VWA8: variants seen among roughly 807,000 people sequenced by gnomAD.
VWA8 encodes the protein von Willebrand factor A domain-containing protein 8.
VWA8 carries 221 observed loss-of-function variants against 241.5 expected under a neutral mutation model. The ratio of observed to expected loss-of-function variants is 0.91; its 90% CI spans 0.82 to 1.02. The LOEUF (loss-of-function observed/expected upper bound fraction) is 1.02. VWA8 is among the 50% of genes least tolerant of loss of function. VWA8 has a pLI of 0.00. For missense variants in VWA8, 2,322 were observed against 2,328.7 expected, an observed-to-expected ratio of 1.00 and a Z score of 0.06; for synonymous variants, 852 against 827.1, an observed-to-expected ratio of 1.03 and a Z score of -0.52.
intron 43 of VWA8, among the ~76,000 whole-genome samples, chr13:41,573,618 T>C (rs1460048369): frequency 6.8e-6 from 1 of 147,234 alleles, no homozygotes; most frequent in African/African-American, 2.5e-5. Flanking sequence ...CGCATATATA[T>C]GGTGTGTGTG....
chr13:41,690,866 A>G (rs1026750306), intron 32 of VWA8, among the ~76,000 whole-genome samples: 1 of 152,084 alleles, frequency 6.6e-6, no homozygotes, highest in African/African-American at 2.4e-5. Context: ...GTCAGATAAC[A>G]TAAACATAAA....
At chr13:41,758,421 T>TTCCATATATATGGA (rs370975202) in intron 21 of VWA8, among the ~76,000 whole-genome samples, 9 of 64,322 alleles carry the variant, frequency 1.4e-4, no homozygotes, top group African/African-American at 4.3e-4. Context: ...TATATATATA[T>TTCCATATATATGGA]ATATATATAC....
rs74049312 is a variant in VWA8, at chr13:41,579,361, C to T, written c.5272-3523G>A. ...GCCAGCGGAACCCTAGTGTTAGTTA[C>T]GTAATAACCTATAGCATTAGCTGGC... On this transcript the variant is annotated intron_variant, in intron 42 of 44. Coordinates refer to ENST00000379310, the MANE Select transcript of VWA8 (RefSeq NM_015058.2). Among the ~76,000 whole-genome samples, 550 of 152,256 alleles carry T rather than the reference C, an allele frequency of 3.6e-3. 2 individuals carry two copies. The highest frequency in any genetic ancestry group is 0.012 in the African/African-American group (502 of 41,548).
intron 37 of VWA8, among the ~76,000 whole-genome samples, chr13:41,636,571 A>G (rs2044758062): frequency 6.6e-6 from 1 of 152,236 alleles, no homozygotes; most frequent in African/African-American, 2.4e-5. Context: ...GCCAAAATTG[A>G]CATATGGGAT....
At chr13:41,895,831 C>CTTTTTTTTTTTTTTTTTT (rs59080554) in intron 4 of VWA8, among the ~76,000 whole-genome samples, 2 of 130,024 alleles carry the variant, frequency 1.5e-5, no homozygotes, top group Non-Finnish European at 3.2e-5. Context: ...TGCAAATTTT[C>CTTTTTTTTTTTTTTTTTT]TTTTTTTTTT....
intron 21 of VWA8, among the ~76,000 whole-genome samples, chr13:41,744,096 C>T (rs1200192079): frequency 6.6e-6 from 1 of 152,182 alleles, no homozygotes; most frequent in Non-Finnish European, 1.5e-5. Flanking sequence ...AAAAGGCTGG[C>T]ACTCTTGCTT....
At chr13:41,669,222 T>C (rs1254891019) in intron 37 of VWA8, among the ~76,000 whole-genome samples, 1 of 152,246 alleles carries the variant, frequency 6.6e-6, no homozygotes, top group Non-Finnish European at 1.5e-5. Flanking sequence ...CACTGTGTAA[T>C]GTAGCTGAAT....
chr13:41,946,112 T>C (rs1278621499), intron 2 of VWA8, among the ~76,000 whole-genome samples: 1 of 149,798 alleles, frequency 6.7e-6, no homozygotes, highest in African/African-American at 2.5e-5. Context: ...TAAGAAGACA[T>C]ATTCAAAGTG....
intron 21 of VWA8, among the ~76,000 whole-genome samples, chr13:41,739,839 G>GTTTTTTTTTTTTT (rs1417524214): frequency 2.3e-5 from 1 of 43,586 alleles, no homozygotes; most frequent in Non-Finnish European, 4.8e-5. Flanking sequence ...TTTTTTTTTT[G>GTTTTTTTTTTTTT]TTTTTTTTGT....
At chr13:41,757,521 G>T (rs1406257348) in intron 21 of VWA8, among the ~76,000 whole-genome samples, 1 of 151,366 alleles carries the variant, frequency 6.6e-6, no homozygotes, top group African/African-American at 2.4e-5. Context: ...TGAGATTTAG[G>T]GTATGACTGA....
At chr13:41,616,083 C>A (rs1008275387) in intron 37 of VWA8, among the ~76,000 whole-genome samples, 1 of 152,158 alleles carries the variant, frequency 6.6e-6, no homozygotes, top group Non-Finnish European at 1.5e-5. Flanking sequence ...AACAAGAGAG[C>A]TTACAAATAA....
At chr13:41,762,282 T>C (rs1474632001) in intron 20 of VWA8, among the ~76,000 whole-genome samples, 1 of 152,144 alleles carries the variant, frequency 6.6e-6, no homozygotes, top group Non-Finnish European at 1.5e-5. Flanking sequence ...AGTATTTTCA[T>C]GGGTTATTTC....
chr13:41,765,228 C>T (rs181011169), intron 20 of VWA8, among the ~76,000 whole-genome samples: 228 of 152,200 alleles, frequency 1.5e-3, no homozygotes, highest in African/African-American at 5.3e-3. Context: ...GATATGTTTA[C>T]TTTGAAGTGT....
At chr13:41,774,778 G>C (rs923797175) in intron 20 of VWA8, among the ~76,000 whole-genome samples, 6 of 151,980 alleles carry the variant, frequency 3.9e-5, no homozygotes, top group African/African-American at 1.5e-4. Flanking sequence ...AAAAAGAAAA[G>C]GCCCTAATTA....
At chr13:41,779,180 A>G (rs1019970231) in intron 19 of VWA8, among the ~76,000 whole-genome samples, 3 of 148,044 alleles carry the variant, frequency 2.0e-5, no homozygotes, top group African/African-American at 7.3e-5. Flanking sequence ...CTTTATATCT[A>G]TATTGTATAA....
intron 17 of VWA8, among the ~76,000 whole-genome samples, chr13:41,807,399 A>G (rs766958844): frequency 2.6e-5 from 4 of 152,186 alleles, no homozygotes; most frequent in African/African-American, 7.2e-5. Flanking sequence ...AAAGAAAACT[A>G]CAGGCCAATA....
At chr13:41,959,606 C>CTTTTTTTTTTTTTTTTTTTT (rs1168629617) in intron 1 of VWA8, among the ~76,000 whole-genome samples, 2 of 79,638 alleles carry the variant, frequency 2.5e-5, no homozygotes, top group Non-Finnish European at 4.7e-5. Flanking sequence ...CCTAAATATG[C>CTTTTTTTTTTTTTTTTTTTT]TTTTTTTTTT....
intron 37 of VWA8, among the ~76,000 whole-genome samples, chr13:41,620,051 G>A (rs2044646599): frequency 6.6e-6 from 1 of 152,136 alleles, no homozygotes; most frequent in African/African-American, 2.4e-5. Flanking sequence ...AATGGTACCA[G>A]GTCCTCTTTG....
At chr13:41,727,165 G>A (rs1255441235) in intron 24 of VWA8, 29 bp downstream of exon 24, 1 of 1,478,424 alleles carries the variant, frequency 6.8e-7, no homozygotes. Context: ...TACTGCTATT[G>A]GTATTGTTAT....
Sources: allele counts gnomAD v4.1 joint callset (sites outside exome capture counted in the v4.1 genomes callset), GRCh38; gene constraint gnomAD v4.1.1; transcripts MANE v1.5; gene names NCBI Gene and HGNC (gene_info 2026-07-23, HGNC 2026-07-21).